MSH3: variants seen among roughly 807,000 people sequenced by gnomAD.
MSH3 encodes the protein mutS homolog 3, also known as DNA mismatch repair protein Msh3.
In MSH3, 106 loss-of-function variants were observed where a neutral mutation model predicts 123.3. That is an observed-to-expected ratio of 0.86 (90% confidence interval 0.73 to 1.01). The LOEUF (loss-of-function observed/expected upper bound fraction) is 1.01, where lower values mean the gene tolerates loss of function less well. Among genes scored for constraint, MSH3 ranks in the 50% least tolerant of loss-of-function variants. The pLI is 0.00. For missense variants in MSH3, 1,459 were observed against 1,347.6 expected (o/e 1.08, Z -1.29); for synonymous variants, 515 against 481.4 (o/e 1.07, Z -0.91).
intron 2 of MSH3, among the ~76,000 whole-genome samples, chr5:80,661,855 T>C (rs951061016): frequency 1.3e-5 from 2 of 152,210 alleles, no homozygotes; most frequent in Non-Finnish European, 2.9e-5. Context: ...TTTTTAAGGA[T>C]TGTTTTTAAA....
Position 80,656,722 on chromosome 5 carries a change from C to G in MSH3, c.358+191C>G, listed in dbSNP as rs1677667. ...GGAGGTTAAGGGGATGGTAGAGCTA[C>G]AATTCTGCAATTTAGCTGTAGTTCT... On this transcript the variant is annotated intron_variant, in intron 2 of 23. Transcript: ENST00000265081. 0.26 allele frequency among the ~76,000 whole-genome samples: 39,046 copies of G among 152,066 alleles called. 5,191 individuals are homozygous for G. Among genetic ancestry groups the G allele is most frequent in the Middle Eastern group, 0.33 (97 of 294 alleles).
chr5:80,816,394 C>T (rs1034903959), intron 20 of MSH3, among the ~76,000 whole-genome samples: 2 of 152,150 alleles, frequency 1.3e-5, no homozygotes, highest in Non-Finnish European at 2.9e-5. Context: ...AAGTATATTT[C>T]AGAGAGAGCA....
At chr5:80,764,993 C>G (rs528450870) in intron 13 of MSH3, among the ~76,000 whole-genome samples, 1 of 152,254 alleles carries the variant, frequency 6.6e-6, no homozygotes, top group Admixed American at 6.5e-5. Flanking sequence ...CTCAAGCTCT[C>G]CCAGTGAGAC....
At chr5:80,778,878 C>A in intron 17 of MSH3, 42 bp downstream of exon 17, 1 of 1,099,758 alleles carries the variant, frequency 9.1e-7, no homozygotes, top group Non-Finnish European at 1.4e-6. Context: ...TTTTTGCTAT[C>A]AGAAACAGAC....
At chr5:80,841,554 T>C (rs1745625981) in intron 20 of MSH3, among the ~76,000 whole-genome samples, 1 of 152,242 alleles carries the variant, frequency 6.6e-6, no homozygotes, top group African/African-American at 2.4e-5. Context: ...CTTCACATCC[T>C]CTCCAGCATC....
In MSH3 at chr5:80,778,712, T is replaced by G. The variant is rs2112007619; in HGVS notation, c.2319-8T>G. The G allele has an allele frequency of 6.6e-7, 1 of 1,524,122 alleles. No individual in the cohort carries two copies. The highest frequency in any genetic ancestry group is 9.1e-7 in the Non-Finnish European group (1 of 1,097,760). 94.4% of individuals were successfully genotyped at this position (1,524,122 alleles called of 1,614,324 possible). On this transcript the variant is annotated splice_region_variant and splice_polypyrimidine_tract_variant and intron_variant, in intron 16 of 23. Coordinates refer to ENST00000265081, the MANE Select transcript of MSH3 (RefSeq NM_002439.5). ...GATTTCCTATTTGTGTTCTTTCCCC[T>G]CTTCTAGCACAAAAGCTGTGAGCCG...
chr5:80,662,108 T>A (rs927938546), intron 2 of MSH3, among the ~76,000 whole-genome samples: 1 of 152,208 alleles, frequency 6.6e-6, no homozygotes, highest in Non-Finnish European at 1.5e-5. Flanking sequence ...TAATAGGTAT[T>A]TTTGCTGTAC....
intron 19 of MSH3, among the ~76,000 whole-genome samples, chr5:80,807,154 G>A (rs767570775): frequency 1.5e-5 from 2 of 133,190 alleles, no homozygotes; most frequent in South Asian, 2.3e-4. Flanking sequence ...TTGCACCACT[G>A]CACTCTAGCC....
intron 2 of MSH3, among the ~76,000 whole-genome samples, chr5:80,660,815 C>G (rs1322306007): frequency 6.6e-6 from 1 of 152,066 alleles, no homozygotes; most frequent in Non-Finnish European, 1.5e-5. Context: ...TCCCCCACAC[C>G]CGAGACAGCC....
intron 19 of MSH3, among the ~76,000 whole-genome samples, chr5:80,809,635 G>A (rs866589862): frequency 2.0e-5 from 3 of 152,116 alleles, no homozygotes; most frequent in Non-Finnish European, 2.9e-5. Context: ...CACAGTTCAG[G>A]GAGCCTTGGC....
intron 11 of MSH3, 66 bp downstream of exon 11, chr5:80,741,614 A>C: frequency 2.6e-6 from 3 of 1,144,214 alleles, no homozygotes; most frequent in Middle Eastern, 3.9e-4. Flanking sequence ...GTAAGGCAGC[A>C]GTCTGTTTTT....
intron 22 of MSH3, among the ~76,000 whole-genome samples, chr5:80,867,439 T>A (rs1393215119): frequency 6.6e-6 from 1 of 152,214 alleles, no homozygotes; most frequent in Non-Finnish European, 1.5e-5. Context: ...CATTGCATTT[T>A]CAGAATTGAG....
At chr5:80,741,074 A>G (rs1743604286) in intron 10 of MSH3, among the ~76,000 whole-genome samples, 1 of 152,190 alleles carries the variant, frequency 6.6e-6, no homozygotes, top group South Asian at 2.1e-4. Flanking sequence ...TAAGGAGGAC[A>G]GTTTTAAGTA....
chr5:80,771,024 C>T (rs535871113), intron 15 of MSH3, among the ~76,000 whole-genome samples: 2 of 152,158 alleles, frequency 1.3e-5, no homozygotes, highest in South Asian at 4.2e-4. Context: ...AACAAAGTTT[C>T]TTCGTTATTG....
chr5:80,861,319 T>TAA (rs1746010142), intron 21 of MSH3, among the ~76,000 whole-genome samples: 1 of 152,172 alleles, frequency 6.6e-6, no homozygotes, highest in Non-Finnish European at 1.5e-5. Flanking sequence ...GGAGGAGTCC[T>TAA]ATGATTAAGT....
chr5:80,734,616 C>T (rs1004355344), intron 10 of MSH3, among the ~76,000 whole-genome samples: 4 of 152,160 alleles, frequency 2.6e-5, no homozygotes, highest in Admixed American at 6.5e-5. Context: ...TATTTCTACT[C>T]TGGTTGGAGA....
At chr5:80,845,716 A>G (rs979930913) in intron 20 of MSH3, among the ~76,000 whole-genome samples, 3 of 152,160 alleles carry the variant, frequency 2.0e-5, no homozygotes, top group Admixed American at 6.5e-5. Flanking sequence ...TTGTGCATGC[A>G]TCATGAAGTT....
At chr5:80,827,203 A>G (rs887204369) in intron 20 of MSH3, among the ~76,000 whole-genome samples, 5 of 152,230 alleles carry the variant, frequency 3.3e-5, no homozygotes, top group African/African-American at 9.6e-5. Context: ...CTCTTCTCTC[A>G]GCATAATTTA....
At chr5:80,670,956 C>T (rs1162999861) in intron 4 of MSH3, among the ~76,000 whole-genome samples, 2 of 151,936 alleles carry the variant, frequency 1.3e-5, no homozygotes, top group South Asian at 2.1e-4. Context: ...CGCATCTCTA[C>T]TAAAAATATT....
Sources: allele counts gnomAD v4.1 joint callset (sites outside exome capture counted in the v4.1 genomes callset), GRCh38; gene constraint gnomAD v4.1.1; transcripts MANE v1.5; gene names NCBI Gene and HGNC (gene_info 2026-07-23, HGNC 2026-07-21).